The following TGFBR3 variants were observed in gnomAD, a reference collection of about 807,000 sequenced individuals.
TGFBR3 encodes the protein transforming growth factor beta receptor type 3.
Under a neutral mutation model 87.9 loss-of-function variants are expected in TGFBR3, and 46 were observed. The ratio of observed to expected loss-of-function variants is 0.52; its 90% confidence interval spans 0.41 to 0.67. The LOEUF (loss-of-function observed/expected upper bound fraction) is 0.67, where lower values mean the gene tolerates loss of function less well. TGFBR3 is among the 30% of genes least tolerant of loss of function. TGFBR3 has a pLI of 0.00. For synonymous variants in TGFBR3, 381 were observed against 391.6 expected, an observed-to-expected ratio of 0.97 and a Z score of 0.32; for missense variants, 866 against 1,041.9, an observed-to-expected ratio of 0.83 and a Z score of 2.32.
intron 4 of TGFBR3, among the ~76,000 whole-genome samples, chr1:91,756,199 G>C (rs1466300781): frequency 1.3e-5 from 2 of 152,172 alleles, no homozygotes; most frequent in East Asian, 3.8e-4. Context: ...GGCTAAGCAG[G>C]ACTGAAGAAC....
intron 4 of TGFBR3, among the ~76,000 whole-genome samples, chr1:91,742,280 A>G (rs748068096): frequency 2.7e-4 from 41 of 152,208 alleles, no homozygotes; most frequent in Non-Finnish European, 4.0e-4. Context: ...CATTTGACAA[A>G]GAGCAACACC....
At chr1:91,752,165 A>G (rs937774479) in intron 4 of TGFBR3, among the ~76,000 whole-genome samples, 3 of 152,210 alleles carry the variant, frequency 2.0e-5, no homozygotes, top group African/African-American at 7.2e-5. Flanking sequence ...GAGCTGCCCA[A>G]TAAAGTACAG....
At chr1:91,765,500 G>T (rs1190973219) in intron 3 of TGFBR3, among the ~76,000 whole-genome samples, 1 of 151,950 alleles carries the variant, frequency 6.6e-6, no homozygotes, top group African/African-American at 2.4e-5. Context: ...TTCCTGGAAG[G>T]TATGCTGGAC....
In TGFBR3 at chr1:91,682,222, G is replaced by A; in HGVS notation, c.*1517C>T. On this transcript the variant is annotated 3_prime_UTR_variant, in exon 17 of 17. Coordinates refer to ENST00000212355, the MANE Select transcript of TGFBR3 (RefSeq NM_003243.5). ...CTGAGGTTCCATTCACAGACAACCAGGCATAACTTCCTTATTTTAAGGGCA... is the reference window on the plus strand; with the variant it reads ...CTGAGGTTCCATTCACAGACAACCAAGCATAACTTCCTTATTTTAAGGGCA... The A allele has an allele frequency of 2.2e-6, 1 of 453,910 alleles. No homozygotes were observed. Among genetic ancestry groups the A allele is most frequent in the South Asian group, 1.6e-5 (1 of 64,470 alleles). 28.1% of individuals were successfully genotyped at this position (453,910 alleles called of 1,614,324 possible).
intron 16 of TGFBR3, among the ~76,000 whole-genome samples, chr1:91,693,264 T>A (rs182502094): frequency 3.9e-5 from 6 of 152,346 alleles, no homozygotes; most frequent in Non-Finnish European, 7.3e-5. Context: ...GTCATGCCAA[T>A]GGATTTTAAG....
intron 1 of TGFBR3, among the ~76,000 whole-genome samples, chr1:91,862,787 T>C (rs2101201008): frequency 6.6e-6 from 1 of 152,272 alleles, no homozygotes; most frequent in South Asian, 2.1e-4. Flanking sequence ...GCAAAGACCC[T>C]CCCTGATCTA....
At chr1:91,814,255 A>C (rs1676129314) in intron 2 of TGFBR3, among the ~76,000 whole-genome samples, 1 of 152,206 alleles carries the variant, frequency 6.6e-6, no homozygotes, top group South Asian at 2.1e-4. Context: ...ACACACATAC[A>C]TGCCAAGGGC....
intron 2 of TGFBR3, among the ~76,000 whole-genome samples, chr1:91,818,042 G>T (rs986595779): frequency 3.3e-5 from 5 of 151,866 alleles, no homozygotes; most frequent in Non-Finnish European, 5.9e-5. Flanking sequence ...CCTGAAAAAG[G>T]CTTGATGGTT....
At chr1:91,764,206 G>A (rs1489186569) in intron 3 of TGFBR3, among the ~76,000 whole-genome samples, 1 of 150,360 alleles carries the variant, frequency 6.7e-6, no homozygotes, top group East Asian at 2.0e-4. Context: ...AAAGTGCTGA[G>A]AGGGGCACTG....
intron 4 of TGFBR3, among the ~76,000 whole-genome samples, chr1:91,736,147 T>C (rs1488533271): frequency 6.6e-6 from 1 of 152,024 alleles, no homozygotes. Flanking sequence ...CTTCAATTAA[T>C]TGATTCCATG....
At chr1:91,702,696 G>C (rs919255213) in intron 14 of TGFBR3, among the ~76,000 whole-genome samples, 1 of 151,922 alleles carries the variant, frequency 6.6e-6, no homozygotes, top group African/African-American at 2.4e-5. Flanking sequence ...CAATTGTTGA[G>C]ACTTATTCTA....
intron 3 of TGFBR3, among the ~76,000 whole-genome samples, chr1:91,787,943 G>GGGAAAAAAAAAAAAAAAAAAAAA: frequency 7.5e-6 from 1 of 133,314 alleles, no homozygotes; most frequent in African/African-American, 3.1e-5. Context: ...GTCTCACGGG[G>GGGAAAAAAAAAAAAAAAAAAAAA]AAAAAAAAAA....
chr1:91,872,168 G>A (rs1269441084), intron 1 of TGFBR3, among the ~76,000 whole-genome samples: 1 of 152,178 alleles, frequency 6.6e-6, no homozygotes, highest in Non-Finnish European at 1.5e-5. Flanking sequence ...CCATGCCGAT[G>A]TTATCTCAAT....
intron 14 of TGFBR3, among the ~76,000 whole-genome samples, chr1:91,705,234 T>TA (rs1398838619): frequency 6.6e-6 from 1 of 151,344 alleles, no homozygotes; most frequent in Non-Finnish European, 1.5e-5. Flanking sequence ...TCTTTTTTTT[T>TA]TTTTTTTTGA....
chr1:91,751,171 G>A (rs1179376321), intron 4 of TGFBR3, among the ~76,000 whole-genome samples: 1 of 152,136 alleles, frequency 6.6e-6, no homozygotes, highest in East Asian at 1.9e-4. Context: ...AAACATGGGG[G>A]TGGGGGAACT....
chr1:91,785,348 GAGTGACTGTTAATAGATACA>G (rs1674917877), intron 3 of TGFBR3, among the ~76,000 whole-genome samples: 1 of 152,242 alleles, frequency 6.6e-6, no homozygotes, highest in African/African-American at 2.4e-5. Flanking sequence ...GGGAATGGGA[GAGTGACTGTTAATAGATACA>G]AGGTTTCTTC....
chr1:91,854,581 T>C (rs1429909381), intron 2 of TGFBR3, among the ~76,000 whole-genome samples: 2 of 152,066 alleles, frequency 1.3e-5, no homozygotes, highest in Non-Finnish European at 2.9e-5. Flanking sequence ...ACATGAAAAT[T>C]GTTAAGAGAG....
chr1:91,740,121 G>A (rs553441880), intron 4 of TGFBR3, among the ~76,000 whole-genome samples: 1 of 152,066 alleles, frequency 6.6e-6, no homozygotes, highest in Non-Finnish European at 1.5e-5. Context: ...GTGCAATGGT[G>A]CGATCTCGGC....
chr1:91,758,269 C>A (rs1488988731), intron 4 of TGFBR3, among the ~76,000 whole-genome samples: 1 of 152,062 alleles, frequency 6.6e-6, no homozygotes, highest in Non-Finnish European at 1.5e-5. Flanking sequence ...GGACCACACA[C>A]CCGGTAGCCA....
Sources: gnomAD v4.1 joint callset for allele counts (sites outside exome capture counted in the v4.1 genomes callset) on GRCh38, gnomAD v4.1.1 for gene constraint, MANE v1.5 for transcripts, NCBI Gene and HGNC (gene_info 2026-07-23, HGNC 2026-07-21) for gene names.